The following PDE10A variants were observed in gnomAD, a reference collection of about 807,000 sequenced individuals.
PDE10A encodes the protein phosphodiesterase 10A, also known as cAMP and cAMP-inhibited cGMP 3',5'-cyclic phosphodiesterase 10A.
In PDE10A, 39 loss-of-function variants were observed where a neutral mutation model predicts 97.7. That is an observed-to-expected ratio of 0.40 (90% confidence interval 0.31 to 0.52). The LOEUF (loss-of-function observed/expected upper bound fraction) is 0.52. Ranked by LOEUF, PDE10A falls within the 20% of genes least tolerant of loss-of-function variation. PDE10A has a pLI of 0.56. For synonymous variants in PDE10A, 371 were observed against 376.8 expected, an observed-to-expected ratio of 0.98 and a Z score of 0.18; for missense variants, 731 against 1,047.8, an observed-to-expected ratio of 0.70 and a Z score of 4.17.
intron 1 of PDE10A, among the ~76,000 whole-genome samples, chr6:165,631,086 T>G (rs528572434): frequency 8.5e-5 from 13 of 152,204 alleles, no homozygotes; most frequent in African/African-American, 1.2e-4. Flanking sequence ...TTTCATAAAA[T>G]GAAGAAATGT....
At chr6:165,672,038 G>A (rs1311269401) in intron 1 of PDE10A, among the ~76,000 whole-genome samples, 1 of 152,090 alleles carries the variant, frequency 6.6e-6, no homozygotes, top group Admixed American at 6.5e-5. Context: ...TCTGATTTAA[G>A]CAAATCTCAT....
chr6:165,978,453 G>A (rs1784912070), intron 1 of PDE10A, among the ~76,000 whole-genome samples: 1 of 152,200 alleles, frequency 6.6e-6, no homozygotes, highest in Admixed American at 6.5e-5. Flanking sequence ...CAAACTTAAT[G>A]TCACCACGAC....
chr6:165,968,429 A>G (rs1784575747), intron 1 of PDE10A, among the ~76,000 whole-genome samples: 1 of 152,200 alleles, frequency 6.6e-6, no homozygotes, highest in Non-Finnish European at 1.5e-5. Context: ...ACTACCACCC[A>G]CTATCACAAT....
intron 3 of PDE10A, among the ~76,000 whole-genome samples, chr6:165,479,009 A>G (rs1402545257): frequency 1.3e-5 from 2 of 152,148 alleles, no homozygotes; most frequent in East Asian, 3.9e-4. Context: ...GTCTCCCTAA[A>G]ATGTATAAAA....
In PDE10A at chr6:165,543,845, T is replaced by TA. The variant is rs11324886; in HGVS notation, c.866-278dup. On this transcript the variant is annotated intron_variant, in intron 1 of 21. Coordinates refer to ENST00000539869, the MANE Select transcript of PDE10A (RefSeq NM_001385079.1). ...ACGCTTAAAACAGCATTTAAAATGG[T>TA]AAAAAAACACCATTTTTCATATATA... Among the ~76,000 whole-genome samples the TA allele has an allele frequency of 3.8e-3, 570 of 151,802 alleles. 1 individual carries two copies. Among genetic ancestry groups the TA allele is most frequent in the African/African-American group, 0.012 (497 of 41,296 alleles).
intron 3 of PDE10A, among the ~76,000 whole-genome samples, chr6:165,475,679 T>C (rs1779253878): frequency 6.6e-6 from 1 of 152,222 alleles, no homozygotes; most frequent in Non-Finnish European, 1.5e-5. Context: ...TGCTCATGTC[T>C]GCAACAGGGC....
intron 1 of PDE10A, among the ~76,000 whole-genome samples, chr6:165,825,719 G>A (rs911076413): frequency 6.6e-6 from 1 of 152,192 alleles, no homozygotes; most frequent in Non-Finnish European, 1.5e-5. Flanking sequence ...CTGTGCCTTG[G>A]GAGTCCCCCT....
chr6:165,543,137 A>C (rs1165986345), intron 2 of PDE10A, among the ~76,000 whole-genome samples: 2 of 152,200 alleles, frequency 1.3e-5, no homozygotes, highest in African/African-American at 4.8e-5. Context: ...CTAATCACTA[A>C]AAATAATCCT....
At chr6:165,789,298 CA>C (rs1210875828) in intron 1 of PDE10A, among the ~76,000 whole-genome samples, 1 of 152,190 alleles carries the variant, frequency 6.6e-6, no homozygotes, top group Non-Finnish European at 1.5e-5. Flanking sequence ...CAGATTTGTA[CA>C]AACATATTAG....
At chr6:165,800,758 G>A (rs577796664) in intron 1 of PDE10A, among the ~76,000 whole-genome samples, 3 of 152,336 alleles carry the variant, frequency 2.0e-5, no homozygotes, top group South Asian at 2.1e-4. Context: ...ATTTGGTGCC[G>A]CTAGAGCATG....
Position 165,916,665 on chromosome 6 carries a change from T to G in PDE10A, c.-615+70864A>C, listed in dbSNP as rs566206982. Among the ~76,000 whole-genome samples the G allele has an allele frequency of 3.3e-5, 5 of 152,356 alleles. No homozygotes were observed. The East Asian group carries it at 9.6e-4, about 29-fold the overall frequency. On this transcript the variant is annotated intron_variant, in intron 1 of 19. Transcript: ENST00000366882. ...CTAAGCTTTCATTTATTTCATTTATTGATTGATTGTGCTGCTGCATGGCTC... is the reference window on the plus strand; with the variant it reads ...CTAAGCTTTCATTTATTTCATTTATGGATTGATTGTGCTGCTGCATGGCTC...
chr6:165,827,828 C>T (rs1321604373), intron 1 of PDE10A, among the ~76,000 whole-genome samples: 1 of 152,102 alleles, frequency 6.6e-6, no homozygotes, highest in East Asian at 1.9e-4. Flanking sequence ...CCTCTGAGTC[C>T]CCAAAGTCCA....
intron 1 of PDE10A, among the ~76,000 whole-genome samples, chr6:165,982,140 T>A (rs978399076): frequency 5.9e-5 from 9 of 152,236 alleles, no homozygotes; most frequent in Non-Finnish European, 2.9e-5. Context: ...ATATGTTCAC[T>A]CAGTCACTGT....
At chr6:165,913,994 C>T (rs1415694468) in intron 1 of PDE10A, among the ~76,000 whole-genome samples, 4 of 152,208 alleles carry the variant, frequency 2.6e-5, no homozygotes, top group Non-Finnish European at 5.9e-5. Flanking sequence ...TAATGTTTTT[C>T]CAAAAATTTC....
chr6:165,508,497 T>C (rs1189799240), intron 2 of PDE10A, among the ~76,000 whole-genome samples: 1 of 152,056 alleles, frequency 6.6e-6, no homozygotes, highest in Non-Finnish European at 1.5e-5. Flanking sequence ...TTTATTCCTG[T>C]ATGAGTTTTT....
intron 1 of PDE10A, among the ~76,000 whole-genome samples, chr6:165,861,348 G>C (rs1042546605): frequency 6.6e-6 from 1 of 151,916 alleles, no homozygotes; most frequent in Non-Finnish European, 1.5e-5. Context: ...CCAGTGGGAA[G>C]ACAATGAGCA....
At position 165,401,190 on chromosome 6, in the gene PDE10A, TAA is replaced by T. The variant is rs534910019; in HGVS notation, c.2077-4733_2077-4732del. Among the ~76,000 whole-genome samples the T allele has an allele frequency of 1.5e-3, 233 of 152,346 alleles. 1 individual carries two copies. Among genetic ancestry groups the T allele is most frequent in the Non-Finnish European group, 2.3e-3 (157 of 68,018 alleles). ...TCAATAAACCTCAGTGAAACTATTT[TAA>T]AAGTTTCTGCTCTGTCTTTTTAAGG... On this transcript the variant is annotated intron_variant, in intron 13 of 21. Transcript: ENST00000539869.
intron 1 of PDE10A, among the ~76,000 whole-genome samples, chr6:165,751,630 A>G (rs1793003321): frequency 6.6e-6 from 1 of 152,176 alleles, no homozygotes; most frequent in Non-Finnish European, 1.5e-5. Flanking sequence ...TCCAGACAGG[A>G]TGAAGTGAAG....
intron 2 of PDE10A, among the ~76,000 whole-genome samples, chr6:165,518,391 G>A (rs1275463607): frequency 2.6e-5 from 4 of 152,026 alleles, no homozygotes; most frequent in South Asian, 2.1e-4. Context: ...CCACCATTCC[G>A]AGTAGTTATG....
Sources: gnomAD v4.1 joint callset for allele counts (sites outside exome capture counted in the v4.1 genomes callset) on GRCh38, gnomAD v4.1.1 for gene constraint, MANE v1.5 for transcripts, NCBI Gene and HGNC (gene_info 2026-07-23, HGNC 2026-07-21) for gene names.